The following ZNF10 variants were observed in gnomAD, a reference collection of about 807,000 sequenced individuals.
ZNF10 encodes the protein zinc finger protein 10.
In ZNF10, 8 loss-of-function variants were observed where a neutral mutation model predicts 12.2. The ratio of observed to expected loss-of-function variants is 0.66; its 90% CI spans 0.39 to 1.18. The LOEUF (loss-of-function observed/expected upper bound fraction) is 1.18, where lower values mean the gene tolerates loss of function less well. ZNF10 is among the 50% of genes most tolerant of loss of function. The pLI is 0.01. For synonymous variants in ZNF10, 229 were observed against 228.2 expected (o/e 1.00, Z -0.03); for missense variants, 603 against 678.9 (o/e 0.89, Z 1.24).
At position 133,159,047 on chromosome 12, in the gene ZNF10, T is replaced by C. The variant is rs1424410293; in HGVS notation, c.*2079T>C. On this transcript the variant is annotated 3_prime_UTR_variant, in exon 5 of 5. Transcript: ENST00000248211. ...ACATTGCTAATAACCTGTGGCTCAA[T>C]TTCCTCAACTGTATAATGAGGTTAC... 6.6e-6 allele frequency: 1 copy of C among 152,244 alleles called. No homozygotes were observed. The highest frequency in any genetic ancestry group is 1.5e-5 in the Non-Finnish European group (1 of 68,042). The allele number at this position is 152,244 out of a possible 1,614,324, so 9.4% of individuals were successfully genotyped here.
intron 2 of ZNF10, among the ~76,000 whole-genome samples, chr12:133,149,592 A>G (rs149944282): frequency 0.053 from 8,069 of 150,974 alleles, 723 homozygotes; most frequent in African/African-American, 0.19. Context: ...CCTGAACTCA[A>G]GTGATCCACC....
At chr12:133,151,726 A>G in intron 3 of ZNF10, 83 bp from the exon 4 acceptor site, 1 of 993,670 alleles carries the variant, frequency 1.0e-6, no homozygotes, top group South Asian at 1.4e-5. Context: ...GTTGGTGGTC[A>G]GGTTGAATCT....
chr12:133,143,948 T>TG (rs1955960870), intron 1 of ZNF10: 2 of 152,344 alleles, frequency 1.3e-5, no homozygotes, highest in African/African-American at 4.8e-5. Context: ...TAGCTGGCTT[T>TG]CAGCTGGTGC....
chr12:133,142,594 A>G (rs968909066), intron 1 of ZNF10, among the ~76,000 whole-genome samples: 1 of 152,198 alleles, frequency 6.6e-6, no homozygotes, highest in South Asian at 2.1e-4. Flanking sequence ...GCACATGAAA[A>G]TATGCTCAAC....
Position 133,156,132 on chromosome 12 carries a change from A to T in ZNF10, c.886A>T (p.Lys296Ter). 1.9e-6 allele frequency: 3 copies of T among 1,613,592 alleles called. No individual in the cohort carries two copies. Among genetic ancestry groups the T allele is most frequent in the Non-Finnish European group, 2.5e-6 (3 of 1,180,024 alleles). ...IHTGEKPYEC[K>*]ECGKSFSRSS... The stretch of plus-strand genomic sequence containing the variant: ...TACTGGAGAAAAACCCTATGAGTGT[A>T]AAGAATGTGGAAAGTCTTTCAGCCG... The change falls in exon 5 of 5, where the codon AAA (lysine) becomes TAA (stop). Residue 296 changes from lysine (K) to a stop codon, truncating the protein, a stop_gained. Coordinates refer to ENST00000248211, the MANE Select transcript of ZNF10 (RefSeq NM_015394.5). LOFTEE classifies it low-confidence loss of function (END_TRUNC).
chr12:133,133,419 A>C (rs906896254), intron 1 of ZNF10, among the ~76,000 whole-genome samples: 1 of 152,200 alleles, frequency 6.6e-6, no homozygotes, highest in African/African-American at 2.4e-5. Context: ...ATGAATATGA[A>C]GTGCTAAGCA....
intron 1 of ZNF10, among the ~76,000 whole-genome samples, chr12:133,135,812 C>T (rs1479654985): frequency 6.6e-6 from 1 of 152,342 alleles, no homozygotes; most frequent in Admixed American, 6.5e-5. Context: ...ACATAGAAAT[C>T]CCAGCCCAGA....
chr12:133,142,115 A>T (rs563151930), intron 1 of ZNF10, among the ~76,000 whole-genome samples: 18 of 152,290 alleles, frequency 1.2e-4, no homozygotes, highest in African/African-American at 4.3e-4. Context: ...AACAAAGGTA[A>T]CTCAACCTAT....
intron 1 of ZNF10, among the ~76,000 whole-genome samples, chr12:133,142,768 C>T (rs1955953757): frequency 6.6e-6 from 1 of 152,100 alleles, no homozygotes; most frequent in African/African-American, 2.4e-5. Context: ...AATGATGCAG[C>T]CACTATGGAA....
intron 2 of ZNF10, among the ~76,000 whole-genome samples, chr12:133,149,873 T>C (rs1955997624): frequency 6.6e-6 from 1 of 152,150 alleles, no homozygotes. Context: ...TTTTTCAGCT[T>C]TATATTTTTG....
rs1955906952 is a variant in ZNF10 at position 133,135,703 on chromosome 12, TC to T, written c.-60+4951del. On this transcript the variant is annotated intron_variant, in intron 1 of 4. Transcript: ENST00000248211. ...GTTCTCCTCAAATCTGTCAGCTCCT[TC>T]CTTGACTCATGTCTATACCAAAACT... Among the ~76,000 whole-genome samples the T allele has an allele frequency of 2.6e-5, 4 of 152,354 alleles. No homozygotes were observed. In the South Asian group the frequency reaches 8.3e-4, roughly 32 times the overall value.
intron 1 of ZNF10, among the ~76,000 whole-genome samples, chr12:133,134,697 CTA>C (rs1955901071): frequency 6.6e-6 from 1 of 152,154 alleles, no homozygotes; most frequent in Non-Finnish European, 1.5e-5. Flanking sequence ...TTCTCTGGCA[CTA>C]TGTTTTGACT....
At chr12:133,151,286 G>GT (rs1593845901) in intron 3 of ZNF10, 132 bp downstream of exon 3, 3 of 899,790 alleles carry the variant, frequency 3.3e-6, no homozygotes, top group Middle Eastern at 3.8e-4. Flanking sequence ...ATAGAACAGG[G>GT]TTTTTTTACT....
chr12:133,147,578 G>T (rs938645264), intron 2 of ZNF10, among the ~76,000 whole-genome samples: 2 of 147,096 alleles, frequency 1.4e-5, no homozygotes, highest in African/African-American at 5.0e-5. Context: ...TTAGTCTTTT[G>T]CTCAGTAAGA....
intron 2 of ZNF10, 111 bp from the exon 3 acceptor site, chr12:133,150,917 A>G: frequency 7.3e-7 from 1 of 1,377,336 alleles, no homozygotes; most frequent in Non-Finnish European, 9.8e-7. Flanking sequence ...TGGTCCATCC[A>G]CTTTACCTGC....
chr12:133,146,752 A>G (rs1240184936), intron 2 of ZNF10, among the ~76,000 whole-genome samples: 1 of 152,056 alleles, frequency 6.6e-6, no homozygotes, highest in African/African-American at 2.4e-5. Context: ...AGGCTGAGGC[A>G]GGAGAATTGC....
chr12:133,158,378 T>G lies in ZNF10; in HGVS notation c.*1410T>G, dbSNP rs1956054788. ...CTTCCCTTACAGTCATACATGGTTT[T>G]TCCCTTTTGCCTAAATCAGAACTCA... On this transcript the variant is annotated 3_prime_UTR_variant, in exon 5 of 5. Transcript: ENST00000248211. The G allele has an allele frequency of 6.6e-6, 1 of 152,248 alleles. No homozygotes were observed. The highest frequency in any genetic ancestry group is 2.4e-5 in the African/African-American group (1 of 41,466). 9.4% of individuals were successfully genotyped at this position (152,248 alleles called of 1,614,324 possible).
chr12:133,146,049 C>T (rs1383777142), intron 2 of ZNF10, among the ~76,000 whole-genome samples: 1 of 152,116 alleles, frequency 6.6e-6, no homozygotes, highest in Non-Finnish European at 1.5e-5. Flanking sequence ...ACTGGGCAGG[C>T]TTCTTAGAAA....
At position 133,156,360 on chromosome 12, in the gene ZNF10, A is replaced by G. The variant is rs1357115559; in HGVS notation, c.1114A>G (p.Thr372Ala). The change falls in exon 5 of 5, where the codon ACT (threonine) becomes GCT (alanine). Residue 372 changes from threonine to alanine, a missense_variant. Physicochemically the swap from Thr to Ala is moderately conservative, Grantham distance 58. Around this residue, in one of 3 missense-constraint regions of ZNF10, gnomAD observed 204 missense variants for 262.8 expected, o/e 0.78. Transcript: ENST00000248211. ...GCTTATTAGACACCAGAGGACACAT[A>G]CTGGAGAGAAACCCTATGAATGTCC... is the stretch of plus-strand genomic sequence containing the variant. ...SRLIRHQRTH[T>A]GEKPYECPEC... 2 of 1,613,994 alleles carry G rather than the reference A, an allele frequency of 1.2e-6. No individual in the cohort carries two copies. Among genetic ancestry groups the G allele is most frequent in the African/African-American group, 1.3e-5 (1 of 74,920 alleles).
Sources: allele counts gnomAD v4.1 joint callset (sites outside exome capture counted in the v4.1 genomes callset), GRCh38; gene constraint gnomAD v4.1.1; regional missense constraint gnomAD v4.1.1; transcripts MANE v1.5; gene names NCBI Gene and HGNC (gene_info 2026-07-23, HGNC 2026-07-21).